PCDHGB2: variants seen among roughly 807,000 people sequenced by gnomAD.
PCDHGB2 encodes protocadherin gamma subfamily B, 2, also known as protocadherin gamma-B2.
A neutral mutation model predicts 59.3 loss-of-function variants in PCDHGB2; 55 were observed. The ratio of observed to expected loss-of-function variants is 0.93; its 90% CI spans 0.75 to 1.16. The LOEUF is 1.16. Among genes scored for constraint, PCDHGB2 ranks in the 50% most tolerant of loss-of-function variants. PCDHGB2 has a pLI of 0.00. For missense variants in PCDHGB2, 1,228 were observed against 1,198.5 expected (o/e 1.02, Z -0.36); for synonymous variants, 516 against 512.0 (o/e 1.01, Z -0.11).
intron 2 of PCDHGB2, among the ~76,000 whole-genome samples, chr5:141,498,949 AAGAG>A (rs1417276243): frequency 1.3e-4 from 18 of 133,552 alleles, no homozygotes; most frequent in African/African-American, 1.9e-4. Context: ...AAGAAAGAAA[AAGAG>A]AGAGAGGGAG....
intron 1 of PCDHGB2, chr5:141,418,494 T>TGATGGTGGG: frequency 6.2e-7 from 1 of 1,614,020 alleles, no homozygotes; most frequent in Non-Finnish European, 8.5e-7. Context: ...CACTTGGTAC[T>TGATGGTGGG]GACCGCCTTA....
In PCDHGB2 at chr5:141,395,061, C is replaced by G. The variant is rs751602382; in HGVS notation, c.2421+32505C>G. 1.5e-5 allele frequency: 25 copies of G among 1,614,158 alleles called. No individual in the cohort carries two copies. In the African/African-American group the frequency reaches 3.2e-4, roughly 21 times the overall value. On this transcript the variant is annotated intron_variant, in intron 1 of 3. Coordinates refer to ENST00000522605, the MANE Select transcript of PCDHGB2 (RefSeq NM_018923.3). ...GGGTGTTGAGGAGGTACAGGCTTTCCTGCAGACCTATTCCCAGGAAGTCTC... is the reference window on the plus strand; with the variant it reads ...GGGTGTTGAGGAGGTACAGGCTTTCGTGCAGACCTATTCCCAGGAAGTCTC...
intron 1 of PCDHGB2, chr5:141,415,423 G>A: frequency 1.2e-6 from 2 of 1,614,204 alleles, no homozygotes; most frequent in Non-Finnish European, 1.7e-6. Context: ...CGTGGACGGG[G>A]TTCGGGCTTT....
At chr5:141,484,506 G>T (rs1442936814) in intron 1 of PCDHGB2, among the ~76,000 whole-genome samples, 1 of 152,186 alleles carries the variant, frequency 6.6e-6, no homozygotes, top group Non-Finnish European at 1.5e-5. Context: ...TGAATATTCT[G>T]CAGAAGGGCA....
At chr5:141,374,161 C>G in intron 1 of PCDHGB2, 1 of 1,612,316 alleles carries the variant, frequency 6.2e-7, no homozygotes, top group South Asian at 1.1e-5. Flanking sequence ...TGTGGGGGGC[C>G]GCGGCAGCGC....
chr5:141,403,069 A>G (rs747569947), intron 1 of PCDHGB2: 3 of 1,613,954 alleles, frequency 1.9e-6, no homozygotes, highest in African/African-American at 2.7e-5. Flanking sequence ...CTGAAGAGAC[A>G]GAAAAGGGCT....
At position 141,410,013 on chromosome 5, in the gene PCDHGB2, T is replaced by A. The variant is rs770463619; in HGVS notation, c.2421+47457T>A. On this transcript the variant is annotated intron_variant, in intron 1 of 3. Coordinates refer to ENST00000522605, the MANE Select transcript of PCDHGB2 (RefSeq NM_018923.3). ...GCCGACTCGGGACACAACGCCTGGC[T>A]GTCCTACCACGTGCTGCAGGCCAGT... 1 of 1,613,296 alleles carries A rather than the reference T, an allele frequency of 6.2e-7. No individual in the cohort carries two copies. Among genetic ancestry groups the A allele is most frequent in the East Asian group, 2.2e-5 (1 of 44,870 alleles).
At chr5:141,423,745 C>A (rs561499055) in intron 1 of PCDHGB2, 2 of 605,688 alleles carry the variant, frequency 3.3e-6, no homozygotes, top group Non-Finnish European at 4.0e-6. Context: ...GTTATGAAAA[C>A]TGTTTGGGGG....
At chr5:141,385,542 A>T (rs3763123) in intron 1 of PCDHGB2, 69,535 of 1,326,660 alleles carry the variant, frequency 0.052, 2,028 homozygotes, top group African/African-American at 0.1. Flanking sequence ...GAATATGTGG[A>T]CTATCACATT....
chr5:141,461,655 ATTTTAAAG>A (rs2099019832), intron 1 of PCDHGB2, among the ~76,000 whole-genome samples: 1 of 152,022 alleles, frequency 6.6e-6, no homozygotes, highest in African/African-American at 2.4e-5. Flanking sequence ...CCCATGGATT[ATTTTAAAG>A]TTTGTTATTT....
intron 1 of PCDHGB2, chr5:141,384,939 C>T (rs1780682611): frequency 6.2e-7 from 1 of 1,614,018 alleles, no homozygotes; most frequent in Non-Finnish European, 8.5e-7. Context: ...GCCTTGAGCC[C>T]TCCGACGGTC....
At position 141,485,069 on chromosome 5, in the gene PCDHGB2, G is replaced by A. The variant is rs1185236732; in HGVS notation, c.2422-9738G>A. 1.1e-6 allele frequency: 1 copy of A among 905,912 alleles called. No homozygotes were observed. Among genetic ancestry groups the A allele is most frequent in the Non-Finnish European group, 1.7e-6 (1 of 577,940 alleles). The allele number at this position is 905,912 out of a possible 1,614,324, so 56.1% of individuals were successfully genotyped here. A position where few individuals can be genotyped will look rare whatever the true frequency, so the allele number is the denominator to read the frequency against. On this transcript the variant is annotated intron_variant, in intron 1 of 3. Coordinates refer to ENST00000522605, the MANE Select transcript of PCDHGB2 (RefSeq NM_018923.3). This position sits in a 1 kb window ranked among gnomAD's most constrained non-coding sequence, Gnocchi z 5.7. ...GCGCCGGCCGAACCGCGCCAGAGCTGGCGCGGGGAAAGGGAGATAGGTGTC... is the reference window on the plus strand; with the variant it reads ...GCGCCGGCCGAACCGCGCCAGAGCTAGCGCGGGGAAAGGGAGATAGGTGTC...
intron 1 of PCDHGB2, among the ~76,000 whole-genome samples, chr5:141,470,737 G>A (rs117064561): frequency 6.6e-6 from 1 of 152,016 alleles, no homozygotes; most frequent in African/African-American, 2.4e-5. Flanking sequence ...TTGCTCTGTC[G>A]CCCTGGCTGG....
chr5:141,441,295 A>C (rs952946372), intron 1 of PCDHGB2: 3 of 152,240 alleles, frequency 2.0e-5, no homozygotes, highest in Non-Finnish European at 4.4e-5. Flanking sequence ...CACATGTCTG[A>C]TATAAGAAAA....
At chr5:141,427,861 T>G (rs776215800) in intron 1 of PCDHGB2, 2 of 1,556,958 alleles carry the variant, frequency 1.3e-6, no homozygotes, top group Admixed American at 1.7e-5. Flanking sequence ...CTGTGCGCCT[T>G]CGAGCTCACG....
At chr5:141,506,865 G>T (rs1403350484) in intron 3 of PCDHGB2, among the ~76,000 whole-genome samples, 1 of 152,186 alleles carries the variant, frequency 6.6e-6, no homozygotes, top group African/African-American at 2.4e-5. Flanking sequence ...GGACTGGTGG[G>T]TAGAGAACCA....
intron 1 of PCDHGB2, chr5:141,387,711 C>T: frequency 9.6e-7 from 1 of 1,041,396 alleles, no homozygotes; most frequent in Non-Finnish European, 1.4e-6. Flanking sequence ...GCAGCCCCAG[C>T]TCAGACTCCC....
chr5:141,490,279 G>A lies in PCDHGB2; in HGVS notation c.2422-4528G>A, dbSNP rs1344083401. The A allele has an allele frequency of 5.6e-6, 9 of 1,614,228 alleles. No individual in the cohort carries two copies. In the East Asian group the frequency reaches 1.8e-4, roughly 32 times the overall value. On this transcript the variant is annotated intron_variant, in intron 1 of 3. Coordinates refer to ENST00000522605, the MANE Select transcript of PCDHGB2 (RefSeq NM_018923.3). This position sits in a 1 kb window ranked among gnomAD's most constrained non-coding sequence, Gnocchi z 5.4. ...GGATGTGGGGGATGTCAATGACAAT[G>A]CCCCAGAGGTGCTATTGGCCTCTTT...
At chr5:141,492,461 G>A (rs1218833302) in intron 1 of PCDHGB2, among the ~76,000 whole-genome samples, 1 of 152,212 alleles carries the variant, frequency 6.6e-6, no homozygotes, top group East Asian at 1.9e-4. Flanking sequence ...CGCGCCTGAG[G>A]GTCCCAGATC....
Sources: allele counts gnomAD v4.1 joint callset (sites outside exome capture counted in the v4.1 genomes callset), GRCh38; gene constraint gnomAD v4.1.1; non-coding constraint Gnocchi (gnomAD v3.1); transcripts MANE v1.5; gene names NCBI Gene and HGNC (gene_info 2026-07-23, HGNC 2026-07-21).